DCAF6: variants seen among roughly 807,000 people sequenced by gnomAD.
The protein encoded by DCAF6 is DDB1 and CUL4 associated factor 6, also known as DDB1- and CUL4-associated factor 6.
Under a neutral mutation model 125.1 loss-of-function variants are expected in DCAF6, and 54 were observed. The ratio of observed to expected loss-of-function variants is 0.43; its 90% CI spans 0.35 to 0.54. The LOEUF (loss-of-function observed/expected upper bound fraction) is 0.54. DCAF6 is among the 20% of genes least tolerant of loss of function. The pLI is 0.01. For missense variants in DCAF6, 934 were observed against 1,161.7 expected (o/e 0.80, Z 2.85); for synonymous variants, 371 against 390.4 (o/e 0.95, Z 0.58).
At chr1:168,008,322 C>G (rs1216204274) in intron 10 of DCAF6, among the ~76,000 whole-genome samples, 1 of 152,118 alleles carries the variant, frequency 6.6e-6, no homozygotes, top group Non-Finnish European at 1.5e-5. Flanking sequence ...ATGCAGCCTC[C>G]TACCCTTCCT....
chr1:167,957,616 G>T (rs1443156080), intron 2 of DCAF6, among the ~76,000 whole-genome samples: 2 of 152,062 alleles, frequency 1.3e-5, no homozygotes, highest in Non-Finnish European at 2.9e-5. Flanking sequence ...TTTGTGTGTT[G>T]TAAGTTTTCA....
chr1:167,942,583 T>C (rs1672423627), intron 1 of DCAF6, among the ~76,000 whole-genome samples: 1 of 152,192 alleles, frequency 6.6e-6, no homozygotes, highest in African/African-American at 2.4e-5. Flanking sequence ...AGTTCATACT[T>C]TTTATGTCCT....
chr1:168,030,421 C>G (rs1306084013), intron 12 of DCAF6, among the ~76,000 whole-genome samples: 1 of 152,132 alleles, frequency 6.6e-6, no homozygotes, highest in Non-Finnish European at 1.5e-5. Context: ...TTAGGTTTCG[C>G]ATTTTTATTT....
the DCAF6 span, chr1:167,875,108 T>C: frequency 1.9e-6 from 3 of 1,610,076 alleles, no homozygotes; most frequent in Non-Finnish European, 2.6e-6. Context: ...TAAAGAAGTT[T>C]AAAATCAAGG....
At chr1:167,970,053 C>T (rs917678587) in intron 3 of DCAF6, among the ~76,000 whole-genome samples, 2 of 152,214 alleles carry the variant, frequency 1.3e-5, no homozygotes, top group Non-Finnish European at 2.9e-5. Context: ...CTGGGGATTA[C>T]AGGCGTGAAC....
chr1:167,933,168 AG>A (rs1174894121), upstream of DCAF6, among the ~76,000 whole-genome samples: 1 of 146,046 alleles, frequency 6.8e-6, no homozygotes, highest in Non-Finnish European at 1.5e-5. Context: ...AAAACACATT[AG>A]TTTTTTTTTT....
At chr1:167,960,718 T>C (rs567760701) in intron 2 of DCAF6, among the ~76,000 whole-genome samples, 3 of 152,334 alleles carry the variant, frequency 2.0e-5, no homozygotes, top group East Asian at 3.9e-4. Context: ...TTTAAATTTG[T>C]TAAAGTGTAT....
intron 12 of DCAF6, among the ~76,000 whole-genome samples, chr1:168,031,284 A>C (rs1373458812): frequency 6.6e-6 from 1 of 152,242 alleles, no homozygotes; most frequent in East Asian, 1.9e-4. Context: ...CTGGTAAAGG[A>C]GATTGAGAAG....
chr1:167,972,887 A>G (rs1322424622), intron 3 of DCAF6, among the ~76,000 whole-genome samples: 1 of 152,186 alleles, frequency 6.6e-6, no homozygotes, highest in African/African-American at 2.4e-5. Context: ...TTAATAAGGG[A>G]ATGCTTTTCA....
chr1:167,925,159 C>G, the DCAF6 span, among the ~76,000 whole-genome samples: 8 of 151,956 alleles, frequency 5.3e-5, no homozygotes, highest in African/African-American at 1.9e-4. Context: ...TCACAGTATT[C>G]TTACAGCAAA....
At chr1:167,938,580 A>G (rs947490979) in intron 1 of DCAF6, among the ~76,000 whole-genome samples, 1 of 152,218 alleles carries the variant, frequency 6.6e-6, no homozygotes, top group East Asian at 1.9e-4. Flanking sequence ...TCTGGTTTTT[A>G]AAACTATTTA....
At chr1:168,015,076 A>G (rs1041958997) in intron 10 of DCAF6, among the ~76,000 whole-genome samples, 6 of 152,224 alleles carry the variant, frequency 3.9e-5, no homozygotes, top group Non-Finnish European at 4.4e-5. Flanking sequence ...TGTTTTGTTC[A>G]ATATTTTATT....
chr1:168,072,322 AAAAG>A (rs869094112), intron 21 of DCAF6, among the ~76,000 whole-genome samples: 5 of 145,502 alleles, frequency 3.4e-5, no homozygotes, highest in African/African-American at 1.3e-4. Context: ...AAAAAAAAAA[AAAAG>A]AAAAGAAAAG....
At chr1:167,921,372 C>A in the DCAF6 span, among the ~76,000 whole-genome samples, 3 of 152,030 alleles carry the variant, frequency 2.0e-5, no homozygotes, top group African/African-American at 4.8e-5. Context: ...CAGGCGTGTG[C>A]CAATATGCCT....
chr1:167,965,915 G>A lies in DCAF6; in HGVS notation c.160-714G>A, dbSNP rs146965130. 5.0e-3 allele frequency among the ~76,000 whole-genome samples: 756 copies of A among 152,206 alleles called. 5 individuals are homozygous for A. Among genetic ancestry groups the A allele is most frequent in the African/African-American group, 0.017 (710 of 41,536 alleles). On this transcript the variant is annotated intron_variant, in intron 2 of 21. Coordinates refer to ENST00000367840, the MANE Select transcript of DCAF6 (RefSeq NM_001198956.2). The stretch of plus-strand genomic sequence containing the variant: ...CTCCCAAAGTGCTGGGATTATAGAC[G>A]TGAGCCACCGCGCCCGGCCTTCCCT...
At chr1:167,986,960 A>C (rs1680098314) in intron 4 of DCAF6, among the ~76,000 whole-genome samples, 2 of 152,222 alleles carry the variant, frequency 1.3e-5, no homozygotes, top group East Asian at 3.8e-4. Flanking sequence ...TTTGACATTT[A>C]AACTATTGTT....
upstream of DCAF6, among the ~76,000 whole-genome samples, chr1:167,935,011 G>A (rs12079829): frequency 0.03 from 4,543 of 152,016 alleles, 235 homozygotes; most frequent in African/African-American, 0.1. Context: ...TTTACAAAGA[G>A]TCAAGCACAT....
intron 4 of DCAF6, among the ~76,000 whole-genome samples, chr1:167,979,253 C>G (rs1464611835): frequency 1.3e-5 from 2 of 151,892 alleles, no homozygotes; most frequent in Non-Finnish European, 2.9e-5. Context: ...AAAGAAAGAC[C>G]ATTTTAACAT....
chr1:168,030,389 C>T (rs973216018), intron 12 of DCAF6, among the ~76,000 whole-genome samples: 7 of 152,178 alleles, frequency 4.6e-5, no homozygotes, highest in African/African-American at 1.7e-4. Context: ...GTATGCAGGA[C>T]AAAGTGACTT....
Sources: gnomAD v4.1 joint callset for allele counts (sites outside exome capture counted in the v4.1 genomes callset) on GRCh38, gnomAD v4.1.1 for gene constraint, MANE v1.5 for transcripts, NCBI Gene and HGNC (gene_info 2026-07-23, HGNC 2026-07-21) for gene names.